The following ROBO2 variants were observed in gnomAD, a reference collection of about 807,000 sequenced individuals.
The protein encoded by ROBO2 is roundabout homolog 2.
A neutral mutation model predicts 160.8 loss-of-function variants in ROBO2; 53 were observed. That is an observed-to-expected ratio of 0.33 (90% confidence interval 0.26 to 0.41). ROBO2 has a LOEUF of 0.41. Among genes scored for constraint, ROBO2 ranks in the 10% least tolerant of loss-of-function variants. ROBO2 has a pLI of 1.00. For synonymous variants in ROBO2, 664 were observed against 611.7 expected (o/e 1.09, Z -1.26); for missense variants, 1,577 against 1,722.4 (o/e 0.92, Z 1.49).
intron 2 of ROBO2, among the ~76,000 whole-genome samples, chr3:76,136,770 G>T (rs1461378868): frequency 6.6e-6 from 1 of 151,954 alleles, no homozygotes; most frequent in Admixed American, 6.6e-5. Context: ...CTAAATCAAA[G>T]AATGAATTTA....
chr3:76,215,494 C>T (rs192196437), intron 2 of ROBO2, among the ~76,000 whole-genome samples: 32 of 152,194 alleles, frequency 2.1e-4, no homozygotes, highest in African/African-American at 7.0e-4. Flanking sequence ...AATCAGGGCA[C>T]GGGATCTACG....
intron 2 of ROBO2, among the ~76,000 whole-genome samples, chr3:76,423,188 A>T (rs2076065733): frequency 6.6e-6 from 1 of 152,194 alleles, no homozygotes; most frequent in Non-Finnish European, 1.5e-5. Flanking sequence ...TAAGATGAAC[A>T]GGAAGAGGAT....
At chr3:77,439,473 T>C (rs1332374581) in intron 2 of ROBO2, among the ~76,000 whole-genome samples, 1 of 151,934 alleles carries the variant, frequency 6.6e-6, no homozygotes, top group Non-Finnish European at 1.5e-5. Flanking sequence ...AATTATGATA[T>C]ACAAATTAGT....
At chr3:76,933,670 T>C (rs114438446) in intron 2 of ROBO2, among the ~76,000 whole-genome samples, 156 of 152,346 alleles carry the variant, frequency 1.0e-3, no homozygotes, top group African/African-American at 3.6e-3. Flanking sequence ...GTTGGACTCA[T>C]ACATTATGTA....
intron 2 of ROBO2, among the ~76,000 whole-genome samples, chr3:77,452,590 G>A (rs1452958814): frequency 6.6e-6 from 1 of 151,892 alleles, no homozygotes; most frequent in Non-Finnish European, 1.5e-5. Context: ...TAATTTTGCG[G>A]TTCTTTTAAG....
intron 6 of ROBO2, among the ~76,000 whole-genome samples, chr3:77,534,927 G>A (rs547615883): frequency 6.6e-6 from 1 of 152,252 alleles, no homozygotes; most frequent in Admixed American, 6.5e-5. Context: ...GCATACATAG[G>A]TAGTACTTGC....
intron 5 of ROBO2, among the ~76,000 whole-genome samples, chr3:77,500,401 T>G (rs2087419355): frequency 6.6e-6 from 1 of 152,180 alleles, no homozygotes; most frequent in Non-Finnish European, 1.5e-5. Context: ...AAATCTCTAT[T>G]TTAAATGAGA....
intron 2 of ROBO2, among the ~76,000 whole-genome samples, chr3:76,185,534 C>T (rs996408137): frequency 3.3e-5 from 5 of 151,766 alleles, no homozygotes; most frequent in East Asian, 1.9e-4. Flanking sequence ...AGGAGAAAAC[C>T]GTTGTGAGAA....
In ROBO2 at chr3:76,793,320, A is replaced by T. The variant is rs149466134; in HGVS notation, c.110-304694A>T. Among the ~76,000 whole-genome samples the T allele has an allele frequency of 3.3e-5, 5 of 152,018 alleles. No individual in the cohort carries two copies. In the East Asian group the frequency reaches 9.7e-4, roughly 29 times the overall value. ...TATTATCTCACCCTGATCATTTATA[A>T]GTGGGAATACAAAATGCCAAAACCC... On this transcript the variant is annotated intron_variant, in intron 2 of 26. Coordinates refer to the ROBO2 transcript ENST00000487694.
chr3:77,292,390 A>C (rs1432238888), intron 2 of ROBO2, among the ~76,000 whole-genome samples: 2 of 149,746 alleles, frequency 1.3e-5, no homozygotes, highest in Admixed American at 1.3e-4. Context: ...TAGATCACCA[A>C]AGACATAAAG....
rs150169535 is a variant in ROBO2 at position 77,100,158 on chromosome 3, A to G, written c.388+1818A>G. ...TGTTCTGGTGGGAATATTTTAAACCATGATTTTTGTGTGTGTGTGTAATGT... is the reference window on the plus strand; with the variant it reads ...TGTTCTGGTGGGAATATTTTAAACCGTGATTTTTGTGTGTGTGTGTAATGT... On this transcript the variant is annotated intron_variant, in intron 2 of 25. Transcript: ENST00000461745. Among the ~76,000 whole-genome samples, 1,389 of 152,192 alleles carry G rather than the reference A, an allele frequency of 9.1e-3. 31 individuals carry two copies. Among genetic ancestry groups the G allele is most frequent in the African/African-American group, 0.032 (1,323 of 41,540 alleles).
At chr3:76,004,473 C>A (rs1433114274) in intron 2 of ROBO2, among the ~76,000 whole-genome samples, 1 of 152,070 alleles carries the variant, frequency 6.6e-6, no homozygotes, top group African/African-American at 2.4e-5. Flanking sequence ...TTATAAACAA[C>A]CAAAATTTAT....
intron 2 of ROBO2, among the ~76,000 whole-genome samples, chr3:76,327,382 T>C (rs1416640695): frequency 6.6e-6 from 1 of 152,300 alleles, no homozygotes; most frequent in East Asian, 1.9e-4. Flanking sequence ...ATACTTGATA[T>C]ACATTTTAAA....
intron 2 of ROBO2, among the ~76,000 whole-genome samples, chr3:75,979,046 C>G (rs910601321): frequency 6.6e-6 from 1 of 151,492 alleles, no homozygotes; most frequent in African/African-American, 2.4e-5. Flanking sequence ...ACTTGACCCA[C>G]CAGCTGAAAA....
At chr3:76,505,175 T>C (rs536481300) in intron 2 of ROBO2, among the ~76,000 whole-genome samples, 3 of 152,166 alleles carry the variant, frequency 2.0e-5, no homozygotes, top group Non-Finnish European at 2.9e-5. Flanking sequence ...TATGACTAAC[T>C]ACCTAAACAA....
At chr3:76,821,843 C>T (rs1459284443) in intron 2 of ROBO2, among the ~76,000 whole-genome samples, 3 of 151,958 alleles carry the variant, frequency 2.0e-5, no homozygotes, top group Admixed American at 1.3e-4. Context: ...TTAACTATCA[C>T]TGCTTTTTAA....
At chr3:77,207,220 G>A (rs919560280) in intron 2 of ROBO2, among the ~76,000 whole-genome samples, 20 of 152,100 alleles carry the variant, frequency 1.3e-4, no homozygotes, top group African/African-American at 4.8e-4. Flanking sequence ...TCTTATAAGA[G>A]ATCTAAAATT....
chr3:77,451,561 T>C (rs2081110145), intron 2 of ROBO2, among the ~76,000 whole-genome samples: 1 of 152,042 alleles, frequency 6.6e-6, no homozygotes, highest in Non-Finnish European at 1.5e-5. Context: ...AAAGTGCAGT[T>C]TTATTTAATA....
At chr3:77,351,967 G>A (rs997885766) in intron 2 of ROBO2, among the ~76,000 whole-genome samples, 2 of 151,812 alleles carry the variant, frequency 1.3e-5, no homozygotes, top group African/African-American at 4.8e-5. Context: ...GCAGGGGGGA[G>A]GGTGAGCATT....
Sources: gnomAD v4.1 joint callset for allele counts (sites outside exome capture counted in the v4.1 genomes callset) on GRCh38, gnomAD v4.1.1 for gene constraint, MANE v1.5 for transcripts, NCBI Gene and HGNC (gene_info 2026-07-23, HGNC 2026-07-21) for gene names.